LRRTM4: variants seen among roughly 807,000 people sequenced by gnomAD.
LRRTM4 encodes leucine-rich repeat transmembrane neuronal protein 4.
In LRRTM4, 25 loss-of-function variants were observed where a neutral mutation model predicts 47.6. The observed-to-expected ratio is 0.53, with a 90% confidence interval of 0.38 to 0.73. The LOEUF is 0.73. Ranked by LOEUF, LRRTM4 falls within the 30% of genes least tolerant of loss-of-function variation. LRRTM4 has a pLI of 0.00. For synonymous variants in LRRTM4, 311 were observed against 269.5 expected (o/e 1.15, Z -1.51); for missense variants, 638 against 713.4 (o/e 0.89, Z 1.20).
At chr2:76,770,723 A>G (rs1673659790) in intron 3 of LRRTM4, among the ~76,000 whole-genome samples, 1 of 152,198 alleles carries the variant, frequency 6.6e-6, no homozygotes, top group South Asian at 2.1e-4. Flanking sequence ...AGCATTTTTT[A>G]AAAACCACCA....
At chr2:77,057,523 A>G (rs376899166) in intron 3 of LRRTM4, among the ~76,000 whole-genome samples, 33 of 152,136 alleles carry the variant, frequency 2.2e-4, no homozygotes, top group African/African-American at 6.5e-4. Context: ...GCAGTGGTGA[A>G]TTTTACTTTT....
At chr2:76,754,408 A>G (rs1672955705) in intron 3 of LRRTM4, among the ~76,000 whole-genome samples, 1 of 152,176 alleles carries the variant, frequency 6.6e-6, no homozygotes, top group African/African-American at 2.4e-5. Context: ...CTCATAGAAT[A>G]CAAGAAAGGA....
chr2:77,203,204 C>A (rs1674027074), intron 3 of LRRTM4, among the ~76,000 whole-genome samples: 1 of 151,812 alleles, frequency 6.6e-6, no homozygotes, highest in Admixed American at 6.6e-5. Flanking sequence ...ACCCAATTTC[C>A]TATGAGGTCC....
intron 3 of LRRTM4, among the ~76,000 whole-genome samples, chr2:77,074,455 C>T (rs954851383): frequency 6.6e-6 from 1 of 151,904 alleles, no homozygotes; most frequent in Non-Finnish European, 1.5e-5. Context: ...CTTCTGTGTC[C>T]TCTACTGCTT....
At chr2:77,151,735 T>C (rs536869774) in intron 3 of LRRTM4, among the ~76,000 whole-genome samples, 2 of 152,334 alleles carry the variant, frequency 1.3e-5, no homozygotes, top group South Asian at 4.1e-4. Flanking sequence ...AAAAGAAGAT[T>C]GGAATAGACC....
chr2:76,799,797 A>G (rs942447210), intron 3 of LRRTM4, among the ~76,000 whole-genome samples: 3 of 140,376 alleles, frequency 2.1e-5, no homozygotes, highest in Non-Finnish European at 4.6e-5. Context: ...AAGCATTCTT[A>G]TACACCAACA....
chr2:76,942,071 G>A (rs1217530173), intron 3 of LRRTM4, among the ~76,000 whole-genome samples: 2 of 152,190 alleles, frequency 1.3e-5, no homozygotes, highest in African/African-American at 4.8e-5. Context: ...CAGTGATGAT[G>A]AGCTTTGTTT....
At chr2:76,804,305 T>C (rs900098184) in intron 3 of LRRTM4, among the ~76,000 whole-genome samples, 3 of 152,176 alleles carry the variant, frequency 2.0e-5, no homozygotes, top group African/African-American at 7.2e-5. Context: ...TTTGGGACTA[T>C]GTATCAAAAC....
rs142866349 is a variant in LRRTM4, at chr2:77,293,991, C to T, written c.1551+224327G>A. Among the ~76,000 whole-genome samples the T allele has an allele frequency of 6.2e-3, 938 of 152,188 alleles. 12 individuals carry two copies. The highest frequency in any genetic ancestry group is 0.02 in the African/African-American group (850 of 41,524). On this transcript the variant is annotated intron_variant, in intron 3 of 3. Coordinates refer to ENST00000409884, the MANE Select transcript of LRRTM4 (RefSeq NM_001134745.3). ...TTGAAATAAGGTTTTCTTACTGCAT[C>T]GTGGTCTAGACCAGCCATGTAATGT... is the stretch of plus-strand genomic sequence containing the variant.
At chr2:76,976,036 T>G (rs1051049365) in intron 3 of LRRTM4, among the ~76,000 whole-genome samples, 1 of 151,798 alleles carries the variant, frequency 6.6e-6, no homozygotes, top group African/African-American at 2.4e-5. Flanking sequence ...TCTATTGAAT[T>G]ATAACTTTCC....
At chr2:77,049,074 G>A (rs1433818670) in intron 3 of LRRTM4, among the ~76,000 whole-genome samples, 1 of 136,094 alleles carries the variant, frequency 7.3e-6, no homozygotes, top group Admixed American at 7.7e-5. Flanking sequence ...CATCCGTGTT[G>A]CTGTGAATGA....
rs1234554112 is a variant in LRRTM4 at position 76,813,602 on chromosome 2, TCA to T, written c.1552-64688_1552-64687del. On this transcript the variant is annotated intron_variant, in intron 3 of 3. Transcript: ENST00000409884. ...ATGCGAACAGTAAAAAAAAATAATCTCAGACAGTACAAAATGATGAAGTAGGC... is the reference window on the plus strand; with the variant it reads ...ATGCGAACAGTAAAAAAAAATAATCTGACAGTACAAAATGATGAAGTAGGC... 2.6e-5 allele frequency among the ~76,000 whole-genome samples: 4 copies of T among 152,284 alleles called. No homozygotes were observed. In the East Asian group the frequency reaches 7.7e-4, roughly 29 times the overall value.
chr2:77,197,072 T>C (rs1165059201), intron 3 of LRRTM4, among the ~76,000 whole-genome samples: 1 of 152,180 alleles, frequency 6.6e-6, no homozygotes. Context: ...TAGACTCATC[T>C]ATTTTAAATT....
intron 3 of LRRTM4, among the ~76,000 whole-genome samples, chr2:77,137,182 C>T (rs1249400400): frequency 6.6e-6 from 1 of 151,678 alleles, no homozygotes; most frequent in Admixed American, 6.6e-5. Context: ...TGTCAATTCA[C>T]CAAAGATGAA....
At chr2:76,781,150 C>T (rs1323120302) in intron 3 of LRRTM4, among the ~76,000 whole-genome samples, 2 of 152,262 alleles carry the variant, frequency 1.3e-5, no homozygotes, top group African/African-American at 4.8e-5. Context: ...CCACAGCTCT[C>T]TTCAAAGCTG....
intron 3 of LRRTM4, among the ~76,000 whole-genome samples, chr2:77,161,614 C>G (rs985671471): frequency 1.3e-5 from 2 of 151,898 alleles, no homozygotes. Context: ...CAAATTGTTG[C>G]CAATCTCCAA....
At chr2:77,199,981 C>A (rs1398032304) in intron 3 of LRRTM4, among the ~76,000 whole-genome samples, 1 of 151,858 alleles carries the variant, frequency 6.6e-6, no homozygotes, top group Admixed American at 6.6e-5. Context: ...TAAGAATTAC[C>A]TAGACACAGA....
rs568579291 is a variant in LRRTM4 at position 77,282,953 on chromosome 2, G to A, written c.1551+235365C>T. Among the ~76,000 whole-genome samples, 25 of 151,828 alleles carry A rather than the reference G, an allele frequency of 1.6e-4. No homozygotes were observed. In the South Asian group the frequency reaches 5.2e-3, roughly 31 times the overall value. ...GCTTTGAGAAAGGATTTATGACTAG[G>A]TCCTCAACAGCAATTGCAACAAAAA... On this transcript the variant is annotated intron_variant, in intron 3 of 3. Coordinates refer to ENST00000409884, the MANE Select transcript of LRRTM4 (RefSeq NM_001134745.3).
intron 3 of LRRTM4, among the ~76,000 whole-genome samples, chr2:76,971,225 G>C (rs1221220998): frequency 6.6e-6 from 1 of 151,976 alleles, no homozygotes; most frequent in African/African-American, 2.4e-5. Context: ...ATCTGCATCA[G>C]CCCGTCTGTA....
Sources: gnomAD v4.1 joint callset for allele counts (sites outside exome capture counted in the v4.1 genomes callset) on GRCh38, gnomAD v4.1.1 for gene constraint, MANE v1.5 for transcripts, NCBI Gene and HGNC (gene_info 2026-07-23, HGNC 2026-07-21) for gene names.